Variants in ENTREP2 observed in about 807,000 individuals in gnomAD.
The protein encoded by ENTREP2 is protein ENTREP2.
At chr15:29,562,533 G>A in the ENTREP2 span, among the ~76,000 whole-genome samples, 36,226 of 151,934 alleles carry the variant, frequency 0.24, 4,818 homozygotes, top group East Asian at 0.48. Flanking sequence ...TTTACAATTC[G>A]GGAATTTAAG....
At chr15:29,392,991 T>C in the ENTREP2 span, among the ~76,000 whole-genome samples, 1 of 152,266 alleles carries the variant, frequency 6.6e-6, no homozygotes, top group Non-Finnish European at 1.5e-5. Flanking sequence ...TATATCTCAA[T>C]ATCTAGAAAT....
At chr15:29,567,052 T>A in the ENTREP2 span, among the ~76,000 whole-genome samples, 1 of 152,138 alleles carries the variant, frequency 6.6e-6, no homozygotes, top group East Asian at 1.9e-4. Context: ...CTCTTAGTCT[T>A]CTAAACTATG....
the ENTREP2 span, among the ~76,000 whole-genome samples, chr15:29,213,334 A>G: frequency 6.6e-6 from 1 of 152,098 alleles, no homozygotes; most frequent in Non-Finnish European, 1.5e-5. Context: ...GAAGAAAGTC[A>G]TTGGTAGCTT....
the ENTREP2 span, among the ~76,000 whole-genome samples, chr15:29,235,820 TG>T: frequency 6.6e-6 from 1 of 151,912 alleles, no homozygotes. Context: ...AAACATTAGC[TG>T]GGCATGGTGG....
At chr15:29,644,566 G>A in the ENTREP2 span, among the ~76,000 whole-genome samples, 1 of 152,170 alleles carries the variant, frequency 6.6e-6, no homozygotes, top group Non-Finnish European at 1.5e-5. Context: ...ACTTTGGGAG[G>A]CCGAGGCGGG....
chr15:29,532,864 T>C, the ENTREP2 span, among the ~76,000 whole-genome samples: 1 of 152,188 alleles, frequency 6.6e-6, no homozygotes, highest in Non-Finnish European at 1.5e-5. Flanking sequence ...TTCAATGGCA[T>C]TTCACAGAAA....
At chr15:29,475,721 C>G in the ENTREP2 span, among the ~76,000 whole-genome samples, 1 of 152,284 alleles carries the variant, frequency 6.6e-6, no homozygotes, top group South Asian at 2.1e-4. Flanking sequence ...ATGAGGCTGT[C>G]CCAGAGAGGG....
chr15:29,382,879 A>G, the ENTREP2 span, among the ~76,000 whole-genome samples: 3 of 152,130 alleles, frequency 2.0e-5, no homozygotes, highest in Non-Finnish European at 4.4e-5. Flanking sequence ...CACAACTCCA[A>G]GGAAACTTCT....
the ENTREP2 span, among the ~76,000 whole-genome samples, chr15:29,189,268 AAG>A: frequency 6.6e-6 from 1 of 152,172 alleles, no homozygotes; most frequent in Admixed American, 6.5e-5. Flanking sequence ...TCTCCAGGTA[AAG>A]AGTGTCAGAA....
At chr15:29,608,641 G>A in the ENTREP2 span, among the ~76,000 whole-genome samples, 3 of 151,254 alleles carry the variant, frequency 2.0e-5, no homozygotes, top group South Asian at 4.2e-4. Flanking sequence ...TGCAAGCTCC[G>A]CCTCCCAGGT....
At chr15:29,368,985 G>GA in the ENTREP2 span, among the ~76,000 whole-genome samples, 1 of 152,148 alleles carries the variant, frequency 6.6e-6, no homozygotes, top group Non-Finnish European at 1.5e-5. Context: ...ACCAAAGAAA[G>GA]AGTCATCAGT....
the ENTREP2 span, among the ~76,000 whole-genome samples, chr15:29,261,451 G>A: frequency 6.6e-6 from 1 of 152,176 alleles, no homozygotes; most frequent in Non-Finnish European, 1.5e-5. Flanking sequence ...GGCTGTAGCA[G>A]GAGGCTCACT....
the ENTREP2 span, among the ~76,000 whole-genome samples, chr15:29,364,292 T>C: frequency 1.4e-4 from 21 of 152,306 alleles, no homozygotes; most frequent in African/African-American, 4.8e-4. Context: ...TAAGAGCCAG[T>C]TGGCCTGGGC....
the ENTREP2 span, among the ~76,000 whole-genome samples, chr15:29,415,661 A>G: frequency 2.0e-5 from 3 of 152,192 alleles, no homozygotes; most frequent in Non-Finnish European, 1.5e-5. Context: ...GCAGTCAGGC[A>G]GGAGAAGGAG....
At chr15:29,638,429 C>G in the ENTREP2 span, among the ~76,000 whole-genome samples, 1 of 152,240 alleles carries the variant, frequency 6.6e-6, no homozygotes, top group Non-Finnish European at 1.5e-5. Flanking sequence ...AGACAAAACC[C>G]TGCCAGCTGA....
the ENTREP2 span, among the ~76,000 whole-genome samples, chr15:29,186,011 T>C: frequency 6.6e-6 from 1 of 152,330 alleles, no homozygotes. Context: ...TGTTTACTCA[T>C]CCATCTGCAG....
At chr15:29,655,881 T>G in the ENTREP2 span, among the ~76,000 whole-genome samples, 12 of 151,890 alleles carry the variant, frequency 7.9e-5, no homozygotes, top group Admixed American at 2.0e-4. Flanking sequence ...AAAAATTAGC[T>G]GGGTGCAGCG....
chr15:29,380,072 T>A, the ENTREP2 span, among the ~76,000 whole-genome samples: 2 of 76,704 alleles, frequency 2.6e-5, no homozygotes, highest in Non-Finnish European at 5.4e-5. Flanking sequence ...TGGGGGGAGG[T>A]GGGGGGTGGG....
the ENTREP2 span, among the ~76,000 whole-genome samples, chr15:29,130,556 A>C: frequency 6.6e-6 from 1 of 152,200 alleles, no homozygotes; most frequent in Non-Finnish European, 1.5e-5. Flanking sequence ...GTAATAAAGA[A>C]ATATAAATAA....
Sources: gnomAD v4.1 joint callset for allele counts (sites outside exome capture counted in the v4.1 genomes callset) on GRCh38, gnomAD v4.1.1 for gene constraint, MANE v1.5 for transcripts, NCBI Gene and HGNC (gene_info 2026-07-23, HGNC 2026-07-21) for gene names.